The following UBE4B variants were observed in gnomAD, a reference collection of about 807,000 sequenced individuals.
The protein encoded by UBE4B is ubiquitin conjugation factor E4 B.
Under a neutral mutation model 148.1 loss-of-function variants are expected in UBE4B, and 27 were observed. That is an observed-to-expected ratio of 0.18 (90% CI 0.13 to 0.25). The LOEUF (loss-of-function observed/expected upper bound fraction) is 0.25. Ranked by LOEUF, UBE4B falls within the 10% of genes least tolerant of loss-of-function variation. UBE4B has a pLI of 1.00. For missense variants in UBE4B, 1,170 were observed against 1,662.4 expected (o/e 0.70, Z 5.15); for synonymous variants, 596 against 619.3 (o/e 0.96, Z 0.56).
At chr1:10,130,894 A>G in intron 14 of UBE4B, 81 bp downstream of exon 14, 1 of 1,256,760 alleles carries the variant, frequency 8.0e-7, no homozygotes, top group Non-Finnish European at 1.2e-6. Flanking sequence ...AGACTGGACT[A>G]TGCCCAGTAG....
At chr1:10,136,616 G>A (rs754661490) in intron 16 of UBE4B, among the ~76,000 whole-genome samples, 3 of 151,934 alleles carry the variant, frequency 2.0e-5, no homozygotes, top group Non-Finnish European at 4.4e-5. Context: ...GTTTATAATT[G>A]CAAAAGTATC....
At chr1:10,050,377 T>A (rs1295595747) in intron 1 of UBE4B, among the ~76,000 whole-genome samples, 1 of 152,118 alleles carries the variant, frequency 6.6e-6, no homozygotes, top group African/African-American at 2.4e-5. Context: ...TGGCCTGATC[T>A]GAAAGGTTTT....
intron 1 of UBE4B, among the ~76,000 whole-genome samples, chr1:10,035,103 A>T (rs910557824): frequency 6.6e-6 from 1 of 151,514 alleles, no homozygotes; most frequent in Non-Finnish European, 1.5e-5. Flanking sequence ...GGTTCACACC[A>T]TTCTCCTGCC....
At chr1:10,066,914 A>C (rs1306333985) in intron 1 of UBE4B, among the ~76,000 whole-genome samples, 4 of 152,118 alleles carry the variant, frequency 2.6e-5, no homozygotes, top group Non-Finnish European at 4.4e-5. Context: ...TCAAAAAAAA[A>C]CCAAAACAGA....
rs33997625 is a variant in UBE4B at position 10,102,391 on chromosome 1, C to CTTTTTTT, written c.436-526_436-520dup. Among the ~76,000 whole-genome samples, 150 of 51,556 alleles carry CTTTTTTT rather than the reference C, an allele frequency of 2.9e-3. 37 individuals carry two copies. The highest frequency in any genetic ancestry group is 4.1e-3 in the African/African-American group (67 of 16,514). 33.8% of individuals were successfully genotyped at this position (51,556 alleles called of 152,430 possible). A position where few individuals can be genotyped will look rare whatever the true frequency, so the allele number is the denominator to read the frequency against. ...GGTGACTTTTGATAATGACTTTGCT[C>CTTTTTTT]TTTTTTTTTTTTTTTTTTTTTTTTT... On this transcript the variant is annotated intron_variant, in intron 4 of 27. Coordinates refer to ENST00000343090, the MANE Select transcript of UBE4B (RefSeq NM_001105562.3).
chr1:10,042,681 A>G (rs753144666), intron 1 of UBE4B, among the ~76,000 whole-genome samples: 5 of 152,272 alleles, frequency 3.3e-5, no homozygotes, highest in Middle Eastern at 3.4e-3. Flanking sequence ...ACATGTTCAC[A>G]TAAGGTGTCA....
chr1:10,040,448 G>A (rs1643713226), intron 1 of UBE4B, among the ~76,000 whole-genome samples: 1 of 151,748 alleles, frequency 6.6e-6, no homozygotes, highest in Non-Finnish European at 1.5e-5. Flanking sequence ...ACAGGGTCTT[G>A]CCATGTTGCC....
At chr1:10,119,976 C>T (rs923044309) in intron 9 of UBE4B, among the ~76,000 whole-genome samples, 1 of 151,448 alleles carries the variant, frequency 6.6e-6, no homozygotes, top group African/African-American at 2.4e-5. Flanking sequence ...TCATCACCTT[C>T]CATGTATAAC....
chr1:10,169,237 G>A (rs1010752197), intron 24 of UBE4B, among the ~76,000 whole-genome samples: 7 of 152,216 alleles, frequency 4.6e-5, no homozygotes, highest in Non-Finnish European at 7.3e-5. Context: ...AAGGCAAGAC[G>A]GGGACCTAAG....
Position 10,130,807 on chromosome 1 carries a change from C to T in UBE4B, c.1905C>T (p.Leu635=), listed in dbSNP as rs141707832. Residue 635 remains leucine (L), a synonymous_variant, in exon 14 of 28, where the codon CTC becomes CTT. Coordinates refer to ENST00000343090, the MANE Select transcript of UBE4B (RefSeq NM_001105562.3). ...VSQSLQHYLE[L]GRQELFKILH... Reference sequence around the variant, plus strand: ...AATCATTGCAGCATTACTTAGAGCTCGGAAGGGTAAGTGTTCAGAAAACAA... The same window carrying T: ...AATCATTGCAGCATTACTTAGAGCTTGGAAGGGTAAGTGTTCAGAAAACAA... The T allele has an allele frequency of 6.8e-5, 109 of 1,613,800 alleles. No individual in the cohort carries two copies. Among genetic ancestry groups the T allele is most frequent in the Middle Eastern group, 1.6e-4 (1 of 6,082 alleles).
chr1:10,046,097 C>T (rs2101783614), intron 1 of UBE4B, among the ~76,000 whole-genome samples: 1 of 152,202 alleles, frequency 6.6e-6, no homozygotes, highest in South Asian at 2.1e-4. Context: ...TGCATTCTGG[C>T]CAGAGAGGGG....
chr1:10,045,548 T>C (rs137960150), intron 1 of UBE4B, among the ~76,000 whole-genome samples: 5 of 152,328 alleles, frequency 3.3e-5, no homozygotes, highest in African/African-American at 1.2e-4. Context: ...CAGTCTGACA[T>C]ATTTGATGAA....
intron 10 of UBE4B, among the ~76,000 whole-genome samples, chr1:10,125,034 G>A (rs1003436040): frequency 1.3e-5 from 2 of 152,198 alleles, no homozygotes; most frequent in East Asian, 1.9e-4. Flanking sequence ...GCTGAGGCAG[G>A]AGAATCTCTT....
Position 10,146,985 on chromosome 1 carries a change from G to C in UBE4B, c.2486G>C (p.Cys829Ser). Reference sequence around the variant, plus strand: ...CAGAAACTGGTACGGTGCAAGGCCTGTGCTGATGCTGGCCTACTTGACGAG... The same window carrying C: ...CAGAAACTGGTACGGTGCAAGGCCTCTGCTGATGCTGGCCTACTTGACGAG... ...QLKKLVRCKA[C>S]ADAGLLDESF... The change falls in exon 19 of 28, where the codon TGT becomes TCT. Residue 829 changes from cysteine (C) to serine (S), a missense_variant. Cys to Ser is a moderately radical substitution (Grantham distance 112). This residue lies in a region of UBE4B where 348 missense variants were observed against 627.2 expected (regional missense o/e 0.55). Coordinates refer to ENST00000343090, the MANE Select transcript of UBE4B (RefSeq NM_001105562.3). 6.2e-7 allele frequency: 1 copy of C among 1,614,124 alleles called. No individual in the cohort carries two copies. Among genetic ancestry groups the C allele is most frequent in the Non-Finnish European group, 8.5e-7 (1 of 1,180,024 alleles).
At chr1:10,175,568 G>C (rs112443182) in intron 25 of UBE4B, among the ~76,000 whole-genome samples, 1 of 151,874 alleles carries the variant, frequency 6.6e-6, no homozygotes, top group Admixed American at 6.6e-5. Context: ...GGAGAATGGC[G>C]TGAACCTGGG....
At chr1:10,089,578 G>A (rs1023493000) in intron 2 of UBE4B, among the ~76,000 whole-genome samples, 1 of 151,802 alleles carries the variant, frequency 6.6e-6, no homozygotes, top group African/African-American at 2.4e-5. Context: ...TGTATTTTCC[G>A]TGAATATTAA....
chr1:10,166,970 C>CAAA (rs796133568), intron 23 of UBE4B, among the ~76,000 whole-genome samples: 2 of 133,188 alleles, frequency 1.5e-5, no homozygotes, highest in African/African-American at 5.8e-5. Context: ...CACACACACA[C>CAAA]AAAAAAAAAA....
chr1:10,039,057 C>CA (rs1643657211), intron 1 of UBE4B, among the ~76,000 whole-genome samples: 1 of 151,150 alleles, frequency 6.6e-6, no homozygotes, highest in Non-Finnish European at 1.5e-5. Flanking sequence ...AAGACTCCAT[C>CA]AAAAAAACAA....
At chr1:10,111,900 T>C (rs982444372) in intron 7 of UBE4B, among the ~76,000 whole-genome samples, 2 of 150,764 alleles carry the variant, frequency 1.3e-5, no homozygotes, top group African/African-American at 4.9e-5. Context: ...GAGGTTGCAG[T>C]GAGCCAAGAT....
Sources: allele counts gnomAD v4.1 joint callset (sites outside exome capture counted in the v4.1 genomes callset), GRCh38; gene constraint gnomAD v4.1.1; regional missense constraint gnomAD v4.1.1; transcripts MANE v1.5; gene names NCBI Gene and HGNC (gene_info 2026-07-23, HGNC 2026-07-21).